Variants in UBE2E2 observed in about 807,000 individuals in gnomAD.
UBE2E2 encodes ubiquitin conjugating enzyme E2 E2.
In UBE2E2, 6 loss-of-function variants were observed where a neutral mutation model predicts 24.7. The observed-to-expected ratio is 0.24, with a 90% CI of 0.13 to 0.48. The LOEUF (loss-of-function observed/expected upper bound fraction) is 0.48, where lower values mean the gene tolerates loss of function less well. UBE2E2 is among the 20% of genes least tolerant of loss of function. The probability of loss-of-function intolerance (pLI) is 0.99; values close to 1 mark genes in which losing one functional copy is unlikely to be tolerated. For synonymous variants in UBE2E2, 104 were observed against 83.6 expected (o/e 1.24, Z -1.33); for missense variants, 169 against 245.0 (o/e 0.69, Z 2.07).
intron 5 of UBE2E2, among the ~76,000 whole-genome samples, chr3:23,576,198 A>G (rs947609860): frequency 6.6e-6 from 1 of 152,202 alleles, no homozygotes; most frequent in South Asian, 2.1e-4. Context: ...AAACTAGGCT[A>G]GACCAAACCA....
intron 5 of UBE2E2, among the ~76,000 whole-genome samples, chr3:23,544,715 CAA>C (rs1453383962): frequency 1.9e-4 from 29 of 150,096 alleles, no homozygotes; most frequent in Non-Finnish European, 3.4e-4. Context: ...TTAGGTGGAA[CAA>C]GAGACTTGGA....
At chr3:23,363,824 C>G (rs1696189770) in intron 3 of UBE2E2, among the ~76,000 whole-genome samples, 1 of 151,452 alleles carries the variant, frequency 6.6e-6, no homozygotes, top group Admixed American at 6.6e-5. Flanking sequence ...ACTCTCTACC[C>G]AAAACAACAA....
chr3:23,372,894 C>T (rs1483847473), intron 3 of UBE2E2, among the ~76,000 whole-genome samples: 3 of 152,168 alleles, frequency 2.0e-5, no homozygotes, highest in Non-Finnish European at 2.9e-5. Flanking sequence ...ACCAGAAGTA[C>T]TTCTTTTGTC....
chr3:23,287,817 T>A (rs975613660), intron 3 of UBE2E2, among the ~76,000 whole-genome samples: 2 of 151,778 alleles, frequency 1.3e-5, no homozygotes, highest in Admixed American at 6.6e-5. Context: ...ATTTGGGTGT[T>A]TTCTCTTTTT....
chr3:23,448,012 A>G (rs1357170261), intron 3 of UBE2E2, among the ~76,000 whole-genome samples: 1 of 152,244 alleles, frequency 6.6e-6, no homozygotes, highest in Non-Finnish European at 1.5e-5. Flanking sequence ...CAAAGTAAAT[A>G]TAAAATCAAT....
At chr3:23,501,787 G>A (rs893804741) in intron 4 of UBE2E2, among the ~76,000 whole-genome samples, 10 of 152,080 alleles carry the variant, frequency 6.6e-5, no homozygotes, top group African/African-American at 2.2e-4. Flanking sequence ...CTCTACCTCT[G>A]AGACACCACA....
At chr3:23,566,446 G>T (rs1187422663) in intron 5 of UBE2E2, among the ~76,000 whole-genome samples, 2 of 152,160 alleles carry the variant, frequency 1.3e-5, no homozygotes, top group African/African-American at 4.8e-5. Context: ...AGACACTCCA[G>T]ACATGTGTTA....
chr3:23,299,498 G>A (rs1315218934), intron 3 of UBE2E2, among the ~76,000 whole-genome samples: 3 of 130,242 alleles, frequency 2.3e-5, no homozygotes, highest in African/African-American at 8.1e-5. Context: ...TGTTCTCGTT[G>A]GTTTCAAAGA....
At chr3:23,298,996 T>G (rs148584139) in intron 3 of UBE2E2, among the ~76,000 whole-genome samples, 4,372 of 152,302 alleles carry the variant, frequency 0.029, 109 homozygotes, top group East Asian at 0.13. Context: ...GAGATTCAAC[T>G]TCTTCCTGGT....
chr3:23,396,933 T>C (rs2125366718), intron 3 of UBE2E2, among the ~76,000 whole-genome samples: 1 of 152,212 alleles, frequency 6.6e-6, no homozygotes, highest in South Asian at 2.1e-4. Context: ...AGGTGAACAA[T>C]AGAGTGTGAT....
intron 3 of UBE2E2, among the ~76,000 whole-genome samples, chr3:23,330,076 G>GACTAA: frequency 6.6e-6 from 1 of 152,284 alleles, no homozygotes; most frequent in East Asian, 1.9e-4. Flanking sequence ...GTAGGCATGG[G>GACTAA]ATAAAAGAAA....
intron 3 of UBE2E2, among the ~76,000 whole-genome samples, chr3:23,482,473 T>C (rs1699277633): frequency 6.6e-6 from 1 of 152,046 alleles, no homozygotes; most frequent in African/African-American, 2.4e-5. Flanking sequence ...CTCAATTAAT[T>C]ACCTTCCATC....
intron 3 of UBE2E2, among the ~76,000 whole-genome samples, chr3:23,458,432 T>G (rs970342765): frequency 1.9e-3 from 160 of 82,376 alleles, no homozygotes; most frequent in African/African-American, 0.011. Context: ...TGGTGGTTGT[T>G]GTTGTTTGAG....
At chr3:23,443,021 A>G (rs142143755) in intron 3 of UBE2E2, among the ~76,000 whole-genome samples, 6 of 152,304 alleles carry the variant, frequency 3.9e-5, no homozygotes, top group African/African-American at 1.4e-4. Flanking sequence ...CTCCCTCACA[A>G]TAACAACAGT....
intron 3 of UBE2E2, among the ~76,000 whole-genome samples, chr3:23,463,404 G>A (rs1345587776): frequency 2.0e-5 from 3 of 152,104 alleles, no homozygotes; most frequent in African/African-American, 7.2e-5. Context: ...AACTTCTCAC[G>A]TCAAAGAAAA....
At chr3:23,430,866 A>G (rs545151004) in intron 3 of UBE2E2, among the ~76,000 whole-genome samples, 1 of 152,340 alleles carries the variant, frequency 6.6e-6, no homozygotes, top group African/African-American at 2.4e-5. Context: ...TTCTGTATAC[A>G]TAAGAATCAA....
chr3:23,544,863 G>C (rs566611285), intron 5 of UBE2E2, among the ~76,000 whole-genome samples: 57 of 152,334 alleles, frequency 3.7e-4, no homozygotes, highest in African/African-American at 1.3e-3. Context: ...GTTTCTCCGA[G>C]AGGGGGATGT....
At chr3:23,500,116 G>T (rs369157662) in intron 4 of UBE2E2, among the ~76,000 whole-genome samples, 17 of 152,242 alleles carry the variant, frequency 1.1e-4, no homozygotes, top group South Asian at 2.1e-4. Context: ...CAAGCTAAGC[G>T]CAAGAATCAG....
At position 23,590,298 on chromosome 3, in the gene UBE2E2, T is replaced by A. The variant is rs752443331; in HGVS notation, c.*467T>A. The A allele has an allele frequency of 2.6e-5, 4 of 156,350 alleles. No homozygotes were observed. Among genetic ancestry groups the A allele is most frequent in the African/African-American group, 9.6e-5 (4 of 41,452 alleles). The allele number at this position is 156,350 out of a possible 1,614,324, so 9.7% of individuals were successfully genotyped here. On this transcript the variant is annotated 3_prime_UTR_variant, in exon 6 of 6. Coordinates refer to ENST00000396703, the MANE Select transcript of UBE2E2 (RefSeq NM_152653.4). ...TCTACTTAAATGTAGTGCTTAGGGT[T>A]AATTTTTTGTACTGAAGTCTTTATT...
Sources: allele counts gnomAD v4.1 joint callset (sites outside exome capture counted in the v4.1 genomes callset), GRCh38; gene constraint gnomAD v4.1.1; transcripts MANE v1.5; gene names NCBI Gene and HGNC (gene_info 2026-07-23, HGNC 2026-07-21).